Variants in ABCC8 observed in about 807,000 individuals in gnomAD.
ABCC8 encodes ATP binding cassette subfamily C member 8, also known as ATP-binding cassette sub-family C member 8.
In ABCC8, 137 loss-of-function variants were observed where a neutral mutation model predicts 188.0. The ratio of observed to expected loss-of-function variants is 0.73; its 90% CI spans 0.63 to 0.84. ABCC8 has a LOEUF of 0.84. Ranked by LOEUF, ABCC8 falls within the 40% of genes least tolerant of loss-of-function variation. ABCC8 has a pLI of 0.00. For synonymous variants in ABCC8, 797 were observed against 846.5 expected (o/e 0.94, Z 1.01); for missense variants, 1,750 against 2,072.7 (o/e 0.84, Z 3.02).
intron 29 of ABCC8, among the ~76,000 whole-genome samples, chr11:17,401,455 C>T (rs1369414458): frequency 6.6e-6 from 1 of 152,092 alleles, no homozygotes; most frequent in Non-Finnish European, 1.5e-5. Flanking sequence ...CCTAGGTGCT[C>T]CAGGGTGGGC....
At position 17,404,208 on chromosome 11, in the gene ABCC8, G is replaced by A. The variant is rs1034732928; in HGVS notation, c.3557+304C>T. On this transcript the variant is annotated intron_variant, in intron 28 of 38. Transcript: ENST00000389817. This position sits in a 1 kb window ranked among gnomAD's most constrained non-coding sequence, Gnocchi z 4.7. ...TAGAATGATGCAACCCTCCTGGGAA[G>A]CATGTTGGCAAAATGAATGAAGGGC... 6.6e-6 allele frequency among the ~76,000 whole-genome samples: 1 copy of A among 152,202 alleles called. No homozygotes were observed. Among genetic ancestry groups the A allele is most frequent in the Non-Finnish European group, 1.5e-5 (1 of 68,040 alleles).
Position 17,443,214 on chromosome 11 carries a change from C to T in ABCC8, c.1431G>A (p.Val477=). 6.2e-7 allele frequency: 1 copy of T among 1,614,110 alleles called. No individual in the cohort carries two copies. The highest frequency in any genetic ancestry group is 8.5e-7 in the Non-Finnish European group (1 of 1,180,030). ...GCTGGGCCTGAGACAGCTTGGTGGC[C>T]ACGAAGTACTGGACAGGAGCCAGTA... is the stretch of plus-strand genomic sequence containing the variant. ...IILLAPVQYF[V]ATKLSQAQRS... Residue 477 remains valine (V), a synonymous_variant, in exon 9 of 39, where the codon GTG becomes GTA. Coordinates refer to ENST00000389817, the MANE Select transcript of ABCC8 (RefSeq NM_000352.6).
intron 29 of ABCC8, chr11:17,399,141 G>A (rs760220805): frequency 2.5e-4 from 38 of 153,140 alleles, no homozygotes; most frequent in Non-Finnish European, 5.4e-4. Flanking sequence ...GCATGGTGGT[G>A]CACACCTGTA....
chr11:17,437,751 A>G (rs1278766336), intron 10 of ABCC8, among the ~76,000 whole-genome samples: 5 of 152,182 alleles, frequency 3.3e-5, no homozygotes, highest in African/African-American at 1.2e-4. Context: ...AGGCCAGGAT[A>G]TGCATAAGCA....
intron 10 of ABCC8, among the ~76,000 whole-genome samples, chr11:17,432,631 T>A (rs1433637925): frequency 6.6e-6 from 1 of 152,030 alleles, no homozygotes; most frequent in Non-Finnish European, 1.5e-5. Flanking sequence ...GGCTCCTGTG[T>A]CCCCCCAAGC....
At chr11:17,398,469 G>A (rs1207993340) in intron 29 of ABCC8, 28 bp from the exon 30 acceptor site, 2 of 1,613,298 alleles carry the variant, frequency 1.2e-6, no homozygotes, top group Admixed American at 3.3e-5. Context: ...AGCTCCTAAG[G>A]GAACAGTGTT....
intron 16 of ABCC8, 88 bp downstream of exon 16, chr11:17,426,961 C>G: frequency 6.8e-7 from 1 of 1,469,842 alleles, no homozygotes; most frequent in East Asian, 2.4e-5. Context: ...AGAGTGGGCC[C>G]TCCAATAAAT....
At chr11:17,476,526 G>C in intron 1 of ABCC8, 103 bp downstream of exon 1, 2 of 1,423,202 alleles carry the variant, frequency 1.4e-6, no homozygotes, top group East Asian at 2.6e-5. Context: ...GGCGGACGGC[G>C]GTCGCGGGCC....
chr11:17,394,906 A>G (rs539364854), intron 36 of ABCC8, among the ~76,000 whole-genome samples: 1 of 151,854 alleles, frequency 6.6e-6, no homozygotes, highest in African/African-American at 2.4e-5. Context: ...GGCATGGGGG[A>G]CTCGCAATCT....
intron 5 of ABCC8, 176 bp from the exon 6 acceptor site, chr11:17,460,852 G>A (rs1293686145): frequency 3.7e-6 from 5 of 1,343,394 alleles, no homozygotes; most frequent in Non-Finnish European, 5.0e-6. Flanking sequence ...AGTTGGGAGG[G>A]CCCTATCAAC....
At chr11:17,431,455 A>G (rs1955845068) in intron 11 of ABCC8, among the ~76,000 whole-genome samples, 1 of 152,226 alleles carries the variant, frequency 6.6e-6, no homozygotes, top group Admixed American at 6.5e-5. Flanking sequence ...TGAATTCCCA[A>G]GTGTATCCGA....
intron 12 of ABCC8, chr11:17,430,498 A>G: frequency 2.5e-6 from 1 of 406,826 alleles, no homozygotes; most frequent in South Asian, 2.2e-5. Context: ...GGGTGAAGTT[A>G]GGACCAGTGG....
At chr11:17,438,727 C>T (rs941104053) in intron 10 of ABCC8, among the ~76,000 whole-genome samples, 5 of 152,196 alleles carry the variant, frequency 3.3e-5, no homozygotes, top group Non-Finnish European at 7.3e-5. Context: ...CATTGAAATC[C>T]CACCATCTTG....
rs571209976 is a variant in ABCC8, at chr11:17,463,978, G to T, written c.413-374C>A. ...CTATTCCTCACCATAACTTTTCAAA[G>T]AAAGTACACTGCCGTCACCCCCAAT... On this transcript the variant is annotated intron_variant, in intron 3 of 38. Transcript: ENST00000389817. 3.3e-5 allele frequency among the ~76,000 whole-genome samples: 5 copies of T among 152,272 alleles called. No individual in the cohort carries two copies. In the South Asian group the frequency reaches 6.2e-4, roughly 19 times the overall value.
chr11:17,432,110 C>T (rs1955873787), intron 11 of ABCC8, 94 bp downstream of exon 11: 2 of 1,473,020 alleles, frequency 1.4e-6, no homozygotes, highest in East Asian at 4.9e-5. Context: ...CTTCTGAGGC[C>T]CCTGTGCAGA....
Position 17,397,783 on chromosome 11 carries a change from T to G in ABCC8, c.3768A>C (p.Ala1256=). The change falls in exon 31 of 39, where the codon GCA becomes GCC. Residue 1256 remains alanine (A), a synonymous_variant. Transcript: ENST00000389817. The part of the protein sequence containing the change: ...WLEVRMEYIG[A]CVVLIAAVTS... ...TCACCGCTGCGATGAGCACCACACA[T>G]GCACCGATGTACTCCTGGGGAGGGA... is the stretch of plus-strand genomic sequence containing the variant. 1 of 1,613,750 alleles carries G rather than the reference T, an allele frequency of 6.2e-7. No homozygotes were observed.
intron 26 of ABCC8, 200 bp from the exon 27 acceptor site, chr11:17,405,763 C>G (rs1438690031): frequency 8.0e-6 from 5 of 624,044 alleles, no homozygotes; most frequent in Non-Finnish European, 1.0e-5. Context: ...TTTCGTTAGC[C>G]TTTCAGTTTC....
At chr11:17,421,641 A>T (rs907780456) in intron 16 of ABCC8, among the ~76,000 whole-genome samples, 1 of 152,198 alleles carries the variant, frequency 6.6e-6, no homozygotes, top group Non-Finnish European at 1.5e-5. Flanking sequence ...AATAATATTT[A>T]TAGGATATTT....
chr11:17,408,253 C>A, intron 23 of ABCC8, 139 bp downstream of exon 23: 1 of 803,120 alleles, frequency 1.2e-6, no homozygotes, highest in South Asian at 1.6e-5. Context: ...TGGTAGGAGC[C>A]AGTTCATGCC....
Sources: gnomAD v4.1 joint callset for allele counts (sites outside exome capture counted in the v4.1 genomes callset) on GRCh38, gnomAD v4.1.1 for gene constraint, Gnocchi (gnomAD v3.1) non-coding constraint, MANE v1.5 for transcripts, NCBI Gene and HGNC (gene_info 2026-07-23, HGNC 2026-07-21) for gene names.